PRDM16: variants seen among roughly 807,000 people sequenced by gnomAD.
The protein encoded by PRDM16 is PR/SET domain 16.
A neutral mutation model predicts 110.6 loss-of-function variants in PRDM16; 23 were observed. The observed-to-expected ratio is 0.21, with a 90% CI of 0.15 to 0.29. The LOEUF is 0.29. PRDM16 is among the 10% of genes least tolerant of loss of function. The probability of loss-of-function intolerance (pLI) is 1.00; values close to 1 mark genes in which losing one functional copy is unlikely to be tolerated. For synonymous variants in PRDM16, 799 were observed against 781.8 expected, an observed-to-expected ratio of 1.02 and a Z score of -0.37; for missense variants, 1,615 against 1,794.3, an observed-to-expected ratio of 0.90 and a Z score of 1.81.
chr1:3,093,530 C>T (rs1642324262), intron 1 of PRDM16, among the ~76,000 whole-genome samples: 2 of 151,962 alleles, frequency 1.3e-5, no homozygotes, highest in African/African-American at 4.8e-5. Flanking sequence ...GTGCTCTCTG[C>T]CTCTGGGCGC....
At chr1:3,336,328 ATGTGTGTACATGCACATG>A (rs1036274802) in intron 3 of PRDM16, among the ~76,000 whole-genome samples, 4 of 150,052 alleles carry the variant, frequency 2.7e-5, no homozygotes, top group African/African-American at 7.3e-5. Context: ...GTACATGCAC[ATGTGTGTACATGCACATG>A]TGTGTGTGCA....
chr1:3,349,276 GTGT>G (rs1278690313), intron 3 of PRDM16, among the ~76,000 whole-genome samples: 2 of 152,192 alleles, frequency 1.3e-5, no homozygotes, highest in Non-Finnish European at 2.9e-5. Context: ...GATAGAGCTG[GTGT>G]CAGGGAGGAG....
intron 3 of PRDM16, among the ~76,000 whole-genome samples, chr1:3,317,270 C>T (rs994707436): frequency 6.6e-6 from 1 of 152,154 alleles, no homozygotes; most frequent in Non-Finnish European, 1.5e-5. Flanking sequence ...ACCTTGGAGA[C>T]CTTACTGTCT....
chr1:3,343,171 C>T (rs1642303309), intron 3 of PRDM16, among the ~76,000 whole-genome samples: 1 of 150,170 alleles, frequency 6.7e-6, no homozygotes, highest in Non-Finnish European at 1.5e-5. Flanking sequence ...TGTAGTCAGT[C>T]TTTTACATTA....
At position 3,246,249 on chromosome 1, in the gene PRDM16, C is replaced by T; in HGVS notation, c.438+2112C>T. ...CCAAGGTCATTCTTGAGAGCGGCTC[C>T]CGGGGTGGGCATGAGATGCTGTCCA... On this transcript the variant is annotated intron_variant, in intron 3 of 16. Transcript: ENST00000270722. This position sits in a 1 kb window ranked among gnomAD's most constrained non-coding sequence, Gnocchi z 5.2. 6.6e-6 allele frequency among the ~76,000 whole-genome samples: 1 copy of T among 152,152 alleles called. No individual in the cohort carries two copies. Among genetic ancestry groups the T allele is most frequent in the East Asian group, 1.9e-4 (1 of 5,184 alleles).
chr1:3,118,161 T>G (rs1347156218), intron 1 of PRDM16, among the ~76,000 whole-genome samples: 1 of 151,774 alleles, frequency 6.6e-6, no homozygotes, highest in East Asian at 1.9e-4. Context: ...ATGCTCATGC[T>G]GTGTGTGTTT....
chr1:3,301,993 AGTTT>A (rs1183405852), intron 3 of PRDM16, among the ~76,000 whole-genome samples: 7 of 152,168 alleles, frequency 4.6e-5, no homozygotes, highest in African/African-American at 1.7e-4. Flanking sequence ...ATGAGAGTGC[AGTTT>A]GTTCTGTTGA....
At chr1:3,422,465 G>A (rs1638467263) in intron 12 of PRDM16, among the ~76,000 whole-genome samples, 1 of 152,252 alleles carries the variant, frequency 6.6e-6, no homozygotes, top group African/African-American at 2.4e-5. Flanking sequence ...GCCTCTGGCT[G>A]GGCAGAGCCT....
intron 3 of PRDM16, among the ~76,000 whole-genome samples, chr1:3,362,704 T>A (rs11807862): frequency 0.14 from 21,892 of 152,174 alleles, 2,631 homozygotes; most frequent in African/African-American, 0.34. Flanking sequence ...CTTCTGGAAG[T>A]TGGAGCCCTC....
intron 1 of PRDM16, among the ~76,000 whole-genome samples, chr1:3,141,204 T>C (rs895270095): frequency 6.6e-6 from 1 of 152,222 alleles, no homozygotes; most frequent in African/African-American, 2.4e-5. Context: ...ATCCCTGATA[T>C]TTAGACTTAT....
chr1:3,321,097 C>T (rs889860744), intron 3 of PRDM16, among the ~76,000 whole-genome samples: 2 of 152,184 alleles, frequency 1.3e-5, no homozygotes, highest in African/African-American at 2.4e-5. Flanking sequence ...GTGATTTGTG[C>T]AAGACCAGGG....
At chr1:3,322,723 C>T (rs966446102) in intron 3 of PRDM16, among the ~76,000 whole-genome samples, 6 of 152,214 alleles carry the variant, frequency 3.9e-5, no homozygotes, top group South Asian at 2.1e-4. Context: ...CGCAGCGACC[C>T]GTCACCTAGA....
At chr1:3,259,360 C>T (rs879679375) in intron 3 of PRDM16, among the ~76,000 whole-genome samples, 53 of 152,316 alleles carry the variant, frequency 3.5e-4, no homozygotes, top group African/African-American at 9.1e-4. Context: ...CAGCACCCTC[C>T]GTGTGCAAAG....
chr1:3,082,424 G>A (rs1048583298), intron 1 of PRDM16, among the ~76,000 whole-genome samples: 11 of 152,312 alleles, frequency 7.2e-5, no homozygotes, highest in South Asian at 4.1e-4. Context: ...GTGGCCACAC[G>A]TAGGAAACCC....
intron 1 of PRDM16, among the ~76,000 whole-genome samples, chr1:3,076,410 G>A (rs1436083801): frequency 1.3e-5 from 2 of 152,232 alleles, no homozygotes; most frequent in African/African-American, 2.4e-5. Flanking sequence ...TCTGAGATGT[G>A]TTCTGAGGAA....
At position 3,183,964 on chromosome 1, in the gene PRDM16, A is replaced by G. The variant is rs57316595; in HGVS notation, c.38-2161A>G. Among the ~76,000 whole-genome samples, 894 of 152,182 alleles carry G rather than the reference A, an allele frequency of 5.9e-3. 6 individuals carry two copies. The highest frequency in any genetic ancestry group is 0.021 in the African/African-American group (854 of 41,500). ...TGTTTGCGAGCTCCGTGCAGTTACC[A>G]GTTCCAAATAACAAGATGCCATGTT... On this transcript the variant is annotated intron_variant, in intron 1 of 16. Transcript: ENST00000270722.
At chr1:3,331,575 G>A (rs1344044148) in intron 3 of PRDM16, among the ~76,000 whole-genome samples, 6 of 152,300 alleles carry the variant, frequency 3.9e-5, no homozygotes, top group Non-Finnish European at 5.9e-5. Context: ...TCTGAGCCTC[G>A]TTCTTCAAGG....
At chr1:3,285,582 T>G (rs1296871801) in intron 3 of PRDM16, among the ~76,000 whole-genome samples, 1 of 152,178 alleles carries the variant, frequency 6.6e-6, no homozygotes, top group Non-Finnish European at 1.5e-5. Flanking sequence ...TCGCTCGGGC[T>G]TCTTCGCTCA....
intron 3 of PRDM16, among the ~76,000 whole-genome samples, chr1:3,352,920 G>A (rs1281375800): frequency 2.0e-5 from 3 of 152,236 alleles, no homozygotes; most frequent in Non-Finnish European, 2.9e-5. Flanking sequence ...ACGTCGGGGA[G>A]GGGGCCGTCC....
Sources: gnomAD v4.1 joint callset for allele counts (sites outside exome capture counted in the v4.1 genomes callset) on GRCh38, gnomAD v4.1.1 for gene constraint, Gnocchi (gnomAD v3.1) non-coding constraint, MANE v1.5 for transcripts, NCBI Gene and HGNC (gene_info 2026-07-23, HGNC 2026-07-21) for gene names.